The following GMEB2 variants were observed in gnomAD, a reference collection of about 807,000 sequenced individuals.
GMEB2 encodes glucocorticoid modulatory element binding protein 2, also known as glucocorticoid modulatory element-binding protein 2.
Under a neutral mutation model 45.7 loss-of-function variants are expected in GMEB2, and 7 were observed. That is an observed-to-expected ratio of 0.15 (90% confidence interval 0.09 to 0.29). GMEB2 has a LOEUF of 0.29. Ranked by LOEUF, GMEB2 falls within the 10% of genes least tolerant of loss-of-function variation. The probability of loss-of-function intolerance (pLI) is 1.00; values close to 1 mark genes in which losing one functional copy is unlikely to be tolerated. For missense variants in GMEB2, 582 were observed against 739.2 expected (o/e 0.79, Z 2.47); for synonymous variants, 322 against 323.6 (o/e 1.00, Z 0.05).
At chr20:63,615,930 T>C (rs1470404894) in intron 2 of GMEB2, among the ~76,000 whole-genome samples, 1 of 152,190 alleles carries the variant, frequency 6.6e-6, no homozygotes, top group Non-Finnish European at 1.5e-5. Context: ...AAACAGAACA[T>C]CTGGAAAGAT....
Position 63,588,324 on chromosome 20 carries a change from TGCGG to T in GMEB2, c.*1761_*1764del, listed in dbSNP as rs1247742829. On this transcript the variant is annotated 3_prime_UTR_variant, in exon 10 of 10. Coordinates refer to ENST00000370077, the MANE Select transcript of GMEB2 (RefSeq NM_012384.5). ...TGACAAAGGGAAGCAGCTGGAAGGT[TGCGG>T]GTCCCAGGGTCACAGGCAGCTGTAT... 1 of 157,276 alleles carries T rather than the reference TGCGG, an allele frequency of 6.4e-6. No individual in the cohort carries two copies. The highest frequency in any genetic ancestry group is 1.8e-4 in the East Asian group (1 of 5,506). The allele number at this position is 157,276 out of a possible 1,614,324, so 9.7% of individuals were successfully genotyped here. A position where few individuals can be genotyped will look rare whatever the true frequency, so the allele number is the denominator to read the frequency against.
At position 63,590,440 on chromosome 20, in the gene GMEB2, G is replaced by T. The variant is rs931767412; in HGVS notation, c.1242C>A (p.Ser414=). ...TLPSTVLGKG[S]LQAPPASSPA... ...GGGAGCTGGCGGGGGGCGCCTGAAG[G>T]GAACCCTTGCCCAGGACGGTGGACG... The change falls in exon 10 of 10, where the codon TCC becomes TCA. Residue 414 remains serine, a synonymous_variant. Coordinates refer to ENST00000370077, the MANE Select transcript of GMEB2 (RefSeq NM_012384.5). The T allele has an allele frequency of 6.5e-7, 1 of 1,543,138 alleles. No individual in the cohort carries two copies. Among genetic ancestry groups the T allele is most frequent in the Admixed American group, 2.0e-5 (1 of 50,790 alleles).
At chr20:63,598,740 G>A (rs1390086921) in intron 4 of GMEB2, among the ~76,000 whole-genome samples, 4 of 152,176 alleles carry the variant, frequency 2.6e-5, no homozygotes, top group Non-Finnish European at 4.4e-5. Flanking sequence ...TCATGCGGCT[G>A]ATCAGGGAGA....
intron 2 of GMEB2, among the ~76,000 whole-genome samples, chr20:63,606,922 G>A (rs995880731): frequency 1.3e-5 from 2 of 152,318 alleles, no homozygotes; most frequent in Non-Finnish European, 2.9e-5. Context: ...CCACGCGTAC[G>A]GGAGAGTCTT....
chr20:63,612,349 C>CT (rs536137845), intron 2 of GMEB2, among the ~76,000 whole-genome samples: 47 of 152,174 alleles, frequency 3.1e-4, no homozygotes, highest in Non-Finnish European at 5.3e-4. Context: ...CCTGTCTTGT[C>CT]TGCCACCGCA....
At chr20:63,597,982 C>A in intron 4 of GMEB2, 122 bp from the exon 5 acceptor site, 1 of 667,422 alleles carries the variant, frequency 1.5e-6, no homozygotes. Flanking sequence ...ACGGCTCTGA[C>A]CGGTGCAGGC....
intron 6 of GMEB2, among the ~76,000 whole-genome samples, chr20:63,595,205 G>A (rs1280025174): frequency 1.3e-5 from 2 of 151,776 alleles, no homozygotes; most frequent in South Asian, 2.1e-4. Context: ...CACGGAAGGC[G>A]GGAGCACAGG....
chr20:63,608,969 T>C (rs35249116), intron 2 of GMEB2, among the ~76,000 whole-genome samples: 3,232 of 9,354 alleles, frequency 0.35, 1,131 homozygotes, highest in Non-Finnish European at 0.57. Context: ...CCCCTCTGAC[T>C]CACCTCCATT....
At position 63,590,169 on chromosome 20, in the gene GMEB2, C is replaced by A. The variant is rs776758045; in HGVS notation, c.1513G>T (p.Ala505Ser). The change falls in exon 10 of 10, where the codon GCA (alanine) becomes TCA (serine). Residue 505 changes from alanine (A) to serine (S), a missense_variant. This residue lies in a region of GMEB2 where 462 missense variants were observed against 586.7 expected (regional missense o/e 0.79). Coordinates refer to ENST00000370077, the MANE Select transcript of GMEB2 (RefSeq NM_012384.5). ...PGSSTIVTVP[A>S]GAAPGPEEHT... ...TCCTCAGGCCCGGGGGCAGCCCCTG[C>A]GGGCACTGTCACAATTGTGCTGGAG... The A allele has an allele frequency of 6.3e-7, 1 of 1,591,618 alleles. No individual in the cohort carries two copies. Among genetic ancestry groups the A allele is most frequent in the East Asian group, 2.3e-5 (1 of 44,354 alleles).
rs2083162802 is a variant in GMEB2 at position 63,593,029 on chromosome 20, A to G, written c.673T>C (p.Trp225Arg). 1 of 1,611,310 alleles carries G rather than the reference A, an allele frequency of 6.2e-7. No homozygotes were observed. Among genetic ancestry groups the G allele is most frequent in the South Asian group, 1.1e-5 (1 of 90,604 alleles). ...CTCGTACCTCCAATGGCCGCGGTCC[A>G]GTCGCCAGGGTCTTCACAGGTCTCT... ...TIETCEDPGD[W>R]TAAIGDDTFT... is the part of the protein sequence containing the mutation. The change falls in exon 7 of 10, where the codon TGG becomes CGG. Residue 225 changes from tryptophan to arginine, a missense_variant. By Grantham distance (101) the Trp-to-Arg change is moderately radical. Transcript: ENST00000370077. This position sits in a 1 kb window ranked among gnomAD's most constrained non-coding sequence, Gnocchi z 4.7.
chr20:63,616,210 G>A (rs1270742761), intron 2 of GMEB2, among the ~76,000 whole-genome samples: 1 of 152,178 alleles, frequency 6.6e-6, no homozygotes, highest in African/African-American at 2.4e-5. Flanking sequence ...TTGGGAGGCT[G>A]AGGCAGGCAG....
intron 1 of GMEB2, among the ~76,000 whole-genome samples, chr20:63,620,709 G>A (rs2089638393): frequency 1.3e-5 from 2 of 152,110 alleles, no homozygotes; most frequent in Non-Finnish European, 2.9e-5. Context: ...CAGGAACGGG[G>A]TGCAAAATTT....
intron 3 of GMEB2, 66 bp from the exon 4 acceptor site, chr20:63,603,158 T>G: frequency 6.4e-7 from 1 of 1,550,390 alleles, no homozygotes; most frequent in Non-Finnish European, 8.8e-7. Flanking sequence ...CTTCAAAGCA[T>G]TTCCTGAAAA....
At chr20:63,601,584 G>A (rs1416338948) in intron 4 of GMEB2, among the ~76,000 whole-genome samples, 1 of 151,058 alleles carries the variant, frequency 6.6e-6, no homozygotes, top group African/African-American at 2.4e-5. Context: ...ATGTTACCCA[G>A]GCTGCTCTTG....
rs1440931841 is a variant in GMEB2, at chr20:63,606,541, G to T, written c.132-1701C>A. On this transcript the variant is annotated intron_variant, in intron 2 of 9. Coordinates refer to ENST00000370077, the MANE Select transcript of GMEB2 (RefSeq NM_012384.5). Reference sequence around the variant, plus strand: ...TTTTTGTATTTTTGTTAGAGACAGGGTTTCACTGTGTTAACCAGGATGGTC... The same window carrying T: ...TTTTTGTATTTTTGTTAGAGACAGGTTTTCACTGTGTTAACCAGGATGGTC... 2.0e-5 allele frequency among the ~76,000 whole-genome samples: 3 copies of T among 152,182 alleles called. No individual in the cohort carries two copies. The South Asian group carries it at 6.2e-4, about 32-fold the overall frequency.
Position 63,590,716 on chromosome 20 carries a change from C to T in GMEB2, c.966G>A (p.Gln322=). The change falls in exon 10 of 10, where the codon CAG becomes CAA. Residue 322 remains glutamine, a synonymous_variant. Transcript: ENST00000370077. ...YARDLAALEQ[Q]CDEHRRRAKE... ...TGGCTCGGCGACGATGCTCATCACA[C>T]TGCTGCTCCAGGGCTGCAGGGAGGT... is the stretch of plus-strand genomic sequence containing the variant. 6.6e-7 allele frequency: 1 copy of T among 1,512,038 alleles called. No individual in the cohort carries two copies. The highest frequency in any genetic ancestry group is 2.4e-5 in the East Asian group (1 of 42,362). The allele number at this position is 1,512,038 out of a possible 1,614,324, so 93.7% of individuals were successfully genotyped here. A position where few individuals can be genotyped will look rare whatever the true frequency, so the allele number is the denominator to read the frequency against.
Position 63,619,155 on chromosome 20 carries a change from T to G in GMEB2, c.131+112A>C, listed in dbSNP as rs1207864755. 9.1e-7 allele frequency: 1 copy of G among 1,100,246 alleles called. No homozygotes were observed. Among genetic ancestry groups the G allele is most frequent in the Non-Finnish European group, 1.3e-6 (1 of 793,858 alleles). The allele number at this position is 1,100,246 out of a possible 1,614,324, so 68.2% of individuals were successfully genotyped here. ...CATTTGAGTCCAGTCTCAGAAGAAC[T>G]GGAACTAGAAAAATCCTGACACTTG... On this transcript the variant is annotated intron_variant, in intron 2 of 9. Coordinates refer to ENST00000370077, the MANE Select transcript of GMEB2 (RefSeq NM_012384.5). This position sits in a 1 kb window ranked among gnomAD's most constrained non-coding sequence, Gnocchi z 4.6.
At chr20:63,590,925 T>C (rs997101657) in intron 9 of GMEB2, among the ~76,000 whole-genome samples, 196 bp from the exon 10 acceptor site, 2 of 152,082 alleles carry the variant, frequency 1.3e-5, no homozygotes, top group African/African-American at 2.4e-5. Flanking sequence ...GGGCCCAAGA[T>C]GGCCCTCGGG....
At chr20:63,605,409 C>T (rs906008786) in intron 2 of GMEB2, among the ~76,000 whole-genome samples, 6 of 149,374 alleles carry the variant, frequency 4.0e-5, no homozygotes, top group Non-Finnish European at 7.4e-5. Flanking sequence ...GGCTCGAGCC[C>T]GTAATCCCAG....
Sources: gnomAD v4.1 joint callset for allele counts (sites outside exome capture counted in the v4.1 genomes callset) on GRCh38, gnomAD v4.1.1 for gene constraint, gnomAD v4.1.1 regional missense constraint, Gnocchi (gnomAD v3.1) non-coding constraint, MANE v1.5 for transcripts, NCBI Gene and HGNC (gene_info 2026-07-23, HGNC 2026-07-21) for gene names.